ADAM23: variants seen among roughly 807,000 people sequenced by gnomAD.
ADAM23 encodes the protein disintegrin and metalloproteinase domain-containing protein 23.
A neutral mutation model predicts 120.1 loss-of-function variants in ADAM23; 33 were observed. The ratio of observed to expected loss-of-function variants is 0.27; its 90% confidence interval spans 0.21 to 0.37. ADAM23 has a LOEUF of 0.37. ADAM23 is among the 10% of genes least tolerant of loss of function. ADAM23 has a pLI of 1.00. For missense variants in ADAM23, 862 were observed against 1,058.2 expected (o/e 0.81, Z 2.57); for synonymous variants, 367 against 375.2 (o/e 0.98, Z 0.25).
chr2:206,592,470 C>A, intron 21 of ADAM23, 147 bp from the exon 22 acceptor site: 1 of 1,007,060 alleles, frequency 9.9e-7, no homozygotes, highest in Admixed American at 2.5e-5. Flanking sequence ...AGGAGGTTAT[C>A]ACCTACCAAT....
At chr2:206,544,636 A>T (rs1439527269) in intron 6 of ADAM23, among the ~76,000 whole-genome samples, 1 of 139,492 alleles carries the variant, frequency 7.2e-6, no homozygotes, top group East Asian at 2.1e-4. Flanking sequence ...TTTTTTTGAG[A>T]TAGTCTCGCT....
At chr2:206,522,360 T>C (rs1413656940) in intron 3 of ADAM23, among the ~76,000 whole-genome samples, 2 of 152,178 alleles carry the variant, frequency 1.3e-5, no homozygotes, top group Non-Finnish European at 2.9e-5. Flanking sequence ...TGATAGTTTT[T>C]CTGTTGGTTT....
chr2:206,445,647 T>C lies in ADAM23; in HGVS notation c.432+123T>C, dbSNP rs578118796. 49 of 796,234 alleles carry C rather than the reference T, an allele frequency of 6.2e-5. No homozygotes were observed. In the South Asian group the frequency reaches 8.9e-4, roughly 14 times the overall value. 49.3% of individuals were successfully genotyped at this position (796,234 alleles called of 1,614,324 possible). ...CATTTTATTAAGAAAGCAATTAATA[T>C]TATGATAGGGGAGAAACTGGAAGGA... On this transcript the variant is annotated intron_variant, in intron 2 of 25. Transcript: ENST00000264377.
intron 2 of ADAM23, among the ~76,000 whole-genome samples, chr2:206,480,897 C>T (rs1053746147): frequency 9.9e-5 from 15 of 152,096 alleles, no homozygotes; most frequent in Non-Finnish European, 1.8e-4. Flanking sequence ...ATGCACAAAA[C>T]GGGCTGAAAT....
intron 3 of ADAM23, among the ~76,000 whole-genome samples, chr2:206,494,976 C>T (rs985569685): frequency 8.5e-5 from 13 of 152,126 alleles, no homozygotes; most frequent in African/African-American, 3.1e-4. Context: ...ACGAACAAAG[C>T]CTCCAAGAAA....
chr2:206,521,189 A>T (rs1490997246), intron 3 of ADAM23, among the ~76,000 whole-genome samples: 2 of 152,132 alleles, frequency 1.3e-5, no homozygotes, highest in Non-Finnish European at 2.9e-5. Flanking sequence ...TTATTTTAGC[A>T]ATGAGATTAT....
intron 3 of ADAM23, among the ~76,000 whole-genome samples, chr2:206,507,412 C>G (rs1372405001): frequency 6.6e-6 from 1 of 152,066 alleles, no homozygotes; most frequent in African/African-American, 2.4e-5. Context: ...CAGCACCACC[C>G]CCCTTGCATC....
intron 3 of ADAM23, among the ~76,000 whole-genome samples, chr2:206,520,877 A>G (rs140440465): frequency 1.6e-3 from 237 of 152,074 alleles, no homozygotes; most frequent in African/African-American, 5.4e-3. Flanking sequence ...TTCTAAACCC[A>G]CCTTTTCAAC....
At chr2:206,564,146 A>C (rs564242664) in intron 13 of ADAM23, among the ~76,000 whole-genome samples, 10 of 152,140 alleles carry the variant, frequency 6.6e-5, no homozygotes, top group African/African-American at 1.2e-4. Flanking sequence ...CTCTCTCTCT[A>C]TATAGGTATA....
chr2:206,445,239 TG>T lies in ADAM23; in HGVS notation c.215-64del, dbSNP rs559494466. 5.5e-3 allele frequency: 6,111 copies of T among 1,120,834 alleles called. 18 individuals carry two copies. The highest frequency in any genetic ancestry group is 0.014 in the Middle Eastern group (70 of 4,970). The allele number at this position is 1,120,834 out of a possible 1,614,324, so 69.4% of individuals were successfully genotyped here. On this transcript the variant is annotated intron_variant, in intron 1 of 25. Coordinates refer to ENST00000264377, the MANE Select transcript of ADAM23 (RefSeq NM_003812.4). ...ATGCATTTTAGTGCTTATGTATTTA[TG>T]GGGTAAATATGTGTGTGTTTGTGTA...
rs1367439513 is a variant in ADAM23, at chr2:206,481,250, G to A, written c.451G>A (p.Ala151Thr). The stretch of plus-strand genomic sequence containing the variant: ...TCCATAGGCTGTCCATCTGGCCCAG[G>A]CAAGCTTCCAGATTGAAGCCTTCGG... Reference protein sequence around the residue: ...KHNKAVHLAQASFQIEAFGSK... With the variant: ...KHNKAVHLAQTSFQIEAFGSK... The change falls in exon 3 of 26, where the codon GCA becomes ACA. Residue 151 changes from alanine to threonine, a missense_variant. Physicochemically the swap from Ala to Thr is moderately conservative, Grantham distance 58. Coordinates refer to ENST00000264377, the MANE Select transcript of ADAM23 (RefSeq NM_003812.4). The A allele has an allele frequency of 1.2e-6, 2 of 1,610,064 alleles. No homozygotes were observed. The highest frequency in any genetic ancestry group is 1.7e-5 in the Admixed American group (1 of 59,180).
In ADAM23 at chr2:206,555,546, T is replaced by C. The variant is rs115830411; in HGVS notation, c.934-1881T>C. On this transcript the variant is annotated intron_variant, in intron 9 of 25. Transcript: ENST00000264377. ...ATTTACATAACAATGACAGGCAAAA[T>C]AATTTTTCTAAAAAGAAAATCAGAG... Among the ~76,000 whole-genome samples, 688 of 152,246 alleles carry C rather than the reference T, an allele frequency of 4.5e-3. 16 individuals carry two copies. Among genetic ancestry groups the C allele is most frequent in the South Asian group, 3.1e-3 (15 of 4,824 alleles).
At chr2:206,596,237 C>A in intron 24 of ADAM23, 75 bp downstream of exon 24, 1 of 1,125,206 alleles carries the variant, frequency 8.9e-7, no homozygotes, top group Non-Finnish European at 1.3e-6. Flanking sequence ...GTATAACATT[C>A]TAATTGACTT....
At chr2:206,515,303 C>G (rs747227255) in intron 3 of ADAM23, among the ~76,000 whole-genome samples, 4 of 152,130 alleles carry the variant, frequency 2.6e-5, no homozygotes, top group South Asian at 4.1e-4. Flanking sequence ...TGATTGAAAG[C>G]AAGATCTGTT....
intron 21 of ADAM23, among the ~76,000 whole-genome samples, chr2:206,590,476 C>G (rs977322836): frequency 5.3e-5 from 8 of 152,168 alleles, no homozygotes; most frequent in African/African-American, 1.7e-4. Context: ...TACTGTGGAA[C>G]AATGGAATCA....
intron 9 of ADAM23, among the ~76,000 whole-genome samples, chr2:206,555,016 T>C (rs535952228): frequency 7.0e-4 from 107 of 152,290 alleles, no homozygotes; most frequent in South Asian, 1.0e-3. Flanking sequence ...TCTGGAATTA[T>C]GTGAGTGCCG....
intron 25 of ADAM23, 53 bp from the exon 26 acceptor site, chr2:206,617,526 A>G: frequency 6.4e-7 from 1 of 1,553,532 alleles, no homozygotes; most frequent in Non-Finnish European, 8.7e-7. Flanking sequence ...CATCTGATTA[A>G]TATTGTGGAT....
chr2:206,458,864 A>T (rs1250018667), intron 2 of ADAM23, among the ~76,000 whole-genome samples: 1 of 152,246 alleles, frequency 6.6e-6, no homozygotes, highest in Non-Finnish European at 1.5e-5. Flanking sequence ...ATGAAATGGA[A>T]CAATTATAAA....
At position 206,592,306 on chromosome 2, in the gene ADAM23, T is replaced by C. The variant is rs142798606; in HGVS notation, c.1959-311T>C. Among the ~76,000 whole-genome samples, 466 of 152,206 alleles carry C rather than the reference T, an allele frequency of 3.1e-3. 4 individuals carry two copies. Among genetic ancestry groups the C allele is most frequent in the African/African-American group, 0.011 (450 of 41,536 alleles). The stretch of plus-strand genomic sequence containing the variant: ...CATCTTCACAGCCCAGGGGCCACTT[T>C]TAACTCTAGGAAGACGAGAAGGGGG... On this transcript the variant is annotated intron_variant, in intron 21 of 25. Transcript: ENST00000264377.
Sources: allele counts gnomAD v4.1 joint callset (sites outside exome capture counted in the v4.1 genomes callset), GRCh38; gene constraint gnomAD v4.1.1; transcripts MANE v1.5; gene names NCBI Gene and HGNC (gene_info 2026-07-23, HGNC 2026-07-21).